Variants in RBFOX1 observed in about 807,000 individuals in gnomAD.
The protein encoded by RBFOX1 is RNA binding protein fox-1 homolog 1.
A neutral mutation model predicts 57.7 loss-of-function variants in RBFOX1; 8 were observed. The ratio of observed to expected loss-of-function variants is 0.14; its 90% CI spans 0.08 to 0.25. The LOEUF (loss-of-function observed/expected upper bound fraction) is 0.25, where lower values mean the gene tolerates loss of function less well. Ranked by LOEUF, RBFOX1 falls within the 10% of genes least tolerant of loss-of-function variation. RBFOX1 has a pLI of 1.00. For synonymous variants in RBFOX1, 326 were observed against 222.4 expected (o/e 1.47, Z -4.15); for missense variants, 611 against 548.5 (o/e 1.11, Z -1.14).
chr16:6,973,934 C>T (rs906333648), intron 3 of RBFOX1, among the ~76,000 whole-genome samples: 3 of 152,130 alleles, frequency 2.0e-5, no homozygotes, highest in Non-Finnish European at 4.4e-5. Context: ...TCGTCCCCTC[C>T]ATCTCCCAGC....
chr16:5,871,482 C>G (rs2057469343), intron 4 of RBFOX1, among the ~76,000 whole-genome samples: 2 of 152,138 alleles, frequency 1.3e-5, no homozygotes, highest in African/African-American at 2.4e-5. Context: ...TAGACTCCTT[C>G]CCCTTCAAAA....
chr16:5,977,503 G>A (rs1018143449), intron 4 of RBFOX1, among the ~76,000 whole-genome samples: 14 of 152,166 alleles, frequency 9.2e-5, no homozygotes, highest in African/African-American at 1.4e-4. Context: ...TTGCCAAGTC[G>A]CTCTGGAGAG....
intron 3 of RBFOX1, among the ~76,000 whole-genome samples, chr16:5,857,857 G>T (rs1262883696): frequency 6.6e-6 from 1 of 152,080 alleles, no homozygotes; most frequent in East Asian, 1.9e-4. Flanking sequence ...TGAGGTGGGA[G>T]GATCCCTTGA....
At chr16:6,576,991 A>G (rs987585909) in intron 2 of RBFOX1, 1 of 152,210 alleles carries the variant, frequency 6.6e-6, no homozygotes, top group African/African-American at 2.4e-5. Context: ...GTGACATGTG[A>G]CCGAATTCTG....
At chr16:6,537,141 G>C (rs181505572) in intron 2 of RBFOX1, among the ~76,000 whole-genome samples, 82 of 152,100 alleles carry the variant, frequency 5.4e-4, no homozygotes, top group Middle Eastern at 6.8e-3. Context: ...GTGAGCACAG[G>C]GATCTTTCCA....
intron 4 of RBFOX1, among the ~76,000 whole-genome samples, chr16:7,197,592 T>C (rs575090413): frequency 1.3e-5 from 2 of 152,224 alleles, no homozygotes; most frequent in African/African-American, 4.8e-5. Flanking sequence ...GCAGTAACAT[T>C]GAAAACAAGT....
chr16:5,561,223 T>C (rs1050117714), intron 2 of RBFOX1, among the ~76,000 whole-genome samples: 1 of 152,130 alleles, frequency 6.6e-6, no homozygotes, highest in South Asian at 2.1e-4. Flanking sequence ...CCAAGAAATA[T>C]GAGCAGACTC....
At chr16:7,059,754 C>T (rs1055319769) in intron 4 of RBFOX1, among the ~76,000 whole-genome samples, 1 of 152,192 alleles carries the variant, frequency 6.6e-6, no homozygotes, top group Admixed American at 6.5e-5. Context: ...CCTTTCTCTT[C>T]ACCCGTTGCA....
chr16:5,800,810 T>A (rs1343092194), intron 3 of RBFOX1, among the ~76,000 whole-genome samples: 1 of 152,222 alleles, frequency 6.6e-6, no homozygotes, highest in East Asian at 1.9e-4. Context: ...GGATCCCTTT[T>A]CTGGGGCAAA....
intron 4 of RBFOX1, among the ~76,000 whole-genome samples, chr16:7,393,206 A>T (rs1055722911): frequency 1.3e-5 from 2 of 152,076 alleles, no homozygotes; most frequent in African/African-American, 4.8e-5. Flanking sequence ...CCTTGCATAT[A>T]GTCAATGGTT....
intron 3 of RBFOX1, among the ~76,000 whole-genome samples, chr16:5,689,463 C>T (rs970059291): frequency 3.9e-5 from 6 of 152,194 alleles, no homozygotes; most frequent in Non-Finnish European, 7.4e-5. Context: ...GACTAGTTGC[C>T]TGCTCAAATT....
intron 3 of RBFOX1, among the ~76,000 whole-genome samples, chr16:7,030,089 T>G (rs923419309): frequency 1.3e-5 from 2 of 152,168 alleles, no homozygotes; most frequent in African/African-American, 4.8e-5. Flanking sequence ...TATTACAAAT[T>G]GGTGCCAAAA....
At chr16:5,603,722 A>T (rs1212192546), downstream of RBFOX1, among the ~76,000 whole-genome samples, 1 of 152,184 alleles carries the variant, frequency 6.6e-6, no homozygotes, top group African/African-American at 2.4e-5. Flanking sequence ...TGAATGAAAC[A>T]TACCTGTCTT....
At chr16:5,318,016 C>G (rs1284837237) in intron 1 of RBFOX1, among the ~76,000 whole-genome samples, 1 of 152,132 alleles carries the variant, frequency 6.6e-6, no homozygotes, top group Non-Finnish European at 1.5e-5. Flanking sequence ...AATGCAGGTG[C>G]AGGAAGGGAG....
chr16:6,884,351 A>G (rs2063543672), intron 3 of RBFOX1, among the ~76,000 whole-genome samples: 2 of 152,132 alleles, frequency 1.3e-5, no homozygotes, highest in African/African-American at 2.4e-5. Flanking sequence ...GCTTCTTCCA[A>G]AGTCACTTGA....
intron 4 of RBFOX1, among the ~76,000 whole-genome samples, chr16:5,899,191 C>G (rs922562522): frequency 1.3e-5 from 2 of 148,552 alleles, no homozygotes; most frequent in African/African-American, 5.0e-5. Context: ...TCCACTGTAG[C>G]AGGATGCAAG....
At chr16:6,084,765 C>T (rs746527530) in intron 1 of RBFOX1, among the ~76,000 whole-genome samples, 1 of 140,080 alleles carries the variant, frequency 7.1e-6, no homozygotes, top group African/African-American at 2.5e-5. Context: ...GAAGCCCAGG[C>T]TTGCTTGTTC....
At chr16:7,241,768 C>G (rs977154858) in intron 4 of RBFOX1, among the ~76,000 whole-genome samples, 1 of 151,936 alleles carries the variant, frequency 6.6e-6, no homozygotes, top group Non-Finnish European at 1.5e-5. Flanking sequence ...CTCATCCCCC[C>G]TTCTTTTTCT....
intron 3 of RBFOX1, among the ~76,000 whole-genome samples, chr16:7,026,874 G>C (rs9302836): frequency 0.059 from 8,972 of 152,262 alleles, 894 homozygotes; most frequent in African/African-American, 0.2. Context: ...AGTTGCAAGG[G>C]AGGGCTTTGC....
Sources: allele counts gnomAD v4.1 joint callset (sites outside exome capture counted in the v4.1 genomes callset), GRCh38; gene constraint gnomAD v4.1.1; transcripts MANE v1.5; gene names NCBI Gene and HGNC (gene_info 2026-07-23, HGNC 2026-07-21).